MNS1: variants seen among roughly 807,000 people sequenced by gnomAD.
The protein encoded by MNS1 is meiosis-specific nuclear structural protein 1.
A neutral mutation model predicts 72.0 loss-of-function variants in MNS1; 63 were observed. That is an observed-to-expected ratio of 0.87 (90% CI 0.71 to 1.08). The LOEUF is 1.08. Among genes scored for constraint, MNS1 ranks in the 50% least tolerant of loss-of-function variants. MNS1 has a pLI of 0.00. For missense variants in MNS1, 604 were observed against 562.4 expected, an observed-to-expected ratio of 1.07 and a Z score of -0.75; for synonymous variants, 188 against 172.1, an observed-to-expected ratio of 1.09 and a Z score of -0.72.
chr15:56,461,564 G>A (rs1323497845), intron 2 of MNS1, among the ~76,000 whole-genome samples: 1 of 150,998 alleles, frequency 6.6e-6, no homozygotes, highest in Admixed American at 6.6e-5. Context: ...GGGAGGCTGA[G>A]GGAGAAGAAT....
Position 56,464,856 on chromosome 15 carries a change from C to T in MNS1, c.3+114G>A, listed in dbSNP as rs771630280. On this transcript the variant is annotated intron_variant, in intron 1 of 9. Transcript: ENST00000260453. ...AAGCCTCCGAAAGCAAATACAAGTT[C>T]CCCAATTAATGACCAGATTAAGCAC... 2.6e-4 allele frequency: 375 copies of T among 1,437,956 alleles called. 1 individual carries two copies. The highest frequency in any genetic ancestry group is 3.4e-4 in the Non-Finnish European group (353 of 1,043,088). The allele number at this position is 1,437,956 out of a possible 1,614,324, so 89.1% of individuals were successfully genotyped here.
intron 7 of MNS1, among the ~76,000 whole-genome samples, chr15:56,441,674 A>G (rs1195106254): frequency 1.3e-5 from 2 of 152,210 alleles, no homozygotes; most frequent in Non-Finnish European, 2.9e-5. Context: ...ACAAAGGTCT[A>G]ATATCCATAA....
chr15:56,452,731 G>A (rs747390047), intron 3 of MNS1, among the ~76,000 whole-genome samples: 1 of 151,944 alleles, frequency 6.6e-6, no homozygotes, highest in Non-Finnish European at 1.5e-5. Context: ...TGTTAGCCAG[G>A]ATGGTCTCGA....
chr15:56,462,803 G>A lies in MNS1; in HGVS notation c.225+1223C>T, dbSNP rs76681650. Among the ~76,000 whole-genome samples the A allele has an allele frequency of 3.3e-5, 5 of 152,266 alleles. No homozygotes were observed. In the East Asian group the frequency reaches 9.7e-4, roughly 29 times the overall value. On this transcript the variant is annotated intron_variant, in intron 2 of 9. Transcript: ENST00000260453. ...GAATGGGTGAGATAATAGTATTATG[G>A]TACTCCATGTAAGAAAACATCCATA... is the stretch of plus-strand genomic sequence containing the variant.
intron 3 of MNS1, among the ~76,000 whole-genome samples, chr15:56,453,003 A>G (rs1274820392): frequency 2.0e-5 from 3 of 152,150 alleles, no homozygotes; most frequent in African/African-American, 7.2e-5. Flanking sequence ...GGAATAATCA[A>G]TTCCTATTAT....
intron 7 of MNS1, 88 bp from the exon 8 acceptor site, chr15:56,434,483 G>A: frequency 7.5e-7 from 1 of 1,340,068 alleles, no homozygotes; most frequent in African/African-American, 1.5e-5. Context: ...GTTAAATTTA[G>A]TATTACAATA....
chr15:56,443,765 TTC>T lies in MNS1; in HGVS notation c.774_775del (p.Lys259ThrfsTer2), dbSNP rs1423048983. On this transcript the variant is annotated frameshift_variant, in exon 6 of 10. Coordinates refer to ENST00000260453, the MANE Select transcript of MNS1 (RefSeq NM_018365.4). LOFTEE classifies it high-confidence loss of function. ...GTTTTCTTCTTCCATCTCCTCACGT[TTC>T]TTTTTTCTCCAGAGAGCCTGCTCTT... 22 of 1,613,164 alleles carry T rather than the reference TTC, an allele frequency of 1.4e-5. No individual in the cohort carries two copies. Among genetic ancestry groups the T allele is most frequent in the Non-Finnish European group, 1.9e-5 (22 of 1,179,704 alleles).
intron 3 of MNS1, 41 bp downstream of exon 3, chr15:56,456,353 G>A (rs1487834457): frequency 1.3e-6 from 2 of 1,569,066 alleles, no homozygotes; most frequent in African/African-American, 2.8e-5. Flanking sequence ...AGAGTTTAAA[G>A]ATAAAGACTA....
At chr15:56,444,080 A>C (rs10518850) in intron 5 of MNS1, among the ~76,000 whole-genome samples, 2,490 of 152,142 alleles carry the variant, frequency 0.016, 63 homozygotes, top group African/African-American at 0.056. Flanking sequence ...AGTTTTATGC[A>C]TCTTATTTCA....
rs934239872 is a variant in MNS1 at position 56,455,268 on chromosome 15, A to C, written c.353+1126T>G. Among the ~76,000 whole-genome samples, 6 of 151,424 alleles carry C rather than the reference A, an allele frequency of 4.0e-5. No homozygotes were observed. The East Asian group carries it at 7.7e-4, about 19-fold the overall frequency. On this transcript the variant is annotated intron_variant, in intron 3 of 9. Coordinates refer to ENST00000260453, the MANE Select transcript of MNS1 (RefSeq NM_018365.4). ...AGGTGAAAAAAAAAAAAAAAAAAAA[A>C]AAACCATGAGTAACAGCTAATGATG...
chr15:56,432,066 T>C (rs1464993460), intron 8 of MNS1, among the ~76,000 whole-genome samples: 1 of 152,186 alleles, frequency 6.6e-6, no homozygotes, highest in African/African-American at 2.4e-5. Context: ...AATTTGAGAC[T>C]GTACTTGCAT....
chr15:56,456,607 A>G (rs1166083369), intron 2 of MNS1, 86 bp from the exon 3 acceptor site: 6 of 1,398,434 alleles, frequency 4.3e-6, no homozygotes, highest in Non-Finnish European at 5.9e-6. Context: ...ACAGAAAACT[A>G]AATGCCTTAA....
chr15:56,433,535 C>T (rs1225193874), intron 8 of MNS1, among the ~76,000 whole-genome samples: 10 of 152,126 alleles, frequency 6.6e-5, no homozygotes, highest in African/African-American at 2.4e-4. Context: ...ATTCCGTATC[C>T]TTAACATCTC....
At chr15:56,444,760 T>C (rs2050879051) in intron 4 of MNS1, 87 bp from the exon 5 acceptor site, 5 of 1,132,318 alleles carry the variant, frequency 4.4e-6, no homozygotes, top group Non-Finnish European at 6.3e-6. Flanking sequence ...TTGAATATTA[T>C]AAAGTCTTTT....
At chr15:56,435,449 T>C (rs1288736056) in intron 7 of MNS1, among the ~76,000 whole-genome samples, 2 of 151,260 alleles carry the variant, frequency 1.3e-5, no homozygotes, top group Non-Finnish European at 3.0e-5. Flanking sequence ...AAAAAATGAA[T>C]GAATAAACAA....
intron 2 of MNS1, among the ~76,000 whole-genome samples, chr15:56,461,797 T>A (rs191554632): frequency 2.0e-5 from 3 of 151,576 alleles, no homozygotes; most frequent in Admixed American, 2.0e-4. Flanking sequence ...CATAAAGGTA[T>A]TTTTAAAAAG....
At chr15:56,437,616 G>A (rs2050749643) in intron 7 of MNS1, among the ~76,000 whole-genome samples, 1 of 152,090 alleles carries the variant, frequency 6.6e-6, no homozygotes, top group Admixed American at 6.6e-5. Context: ...TTCTGGCCAG[G>A]GCAGTCAGGC....
At chr15:56,458,260 A>G (rs182665670) in intron 2 of MNS1, among the ~76,000 whole-genome samples, 5 of 152,286 alleles carry the variant, frequency 3.3e-5, no homozygotes, top group East Asian at 3.9e-4. Flanking sequence ...TTGTGTATCT[A>G]TCACCACTAT....
Position 56,443,484 on chromosome 15 carries a change from C to T in MNS1, c.957G>A (p.Val319=), listed in dbSNP as rs768466512. 3.1e-6 allele frequency: 5 copies of T among 1,600,064 alleles called. No individual in the cohort carries two copies. In the Admixed American group the frequency reaches 8.7e-5, roughly 28 times the overall value. Residue 319 remains valine (V), a synonymous_variant, in exon 7 of 10, where the codon GTG becomes GTA. Coordinates refer to ENST00000260453, the MANE Select transcript of MNS1 (RefSeq NM_018365.4). ...MLRQREDLEQ[V]RQELYQEEQA... is the part of the protein sequence containing the mutation. ...GTTCTTCCTGGTATAATTCTTGTCG[C>T]ACTTGTTCCAAATCTTCACGTTGCC...
Sources: gnomAD v4.1 joint callset for allele counts (sites outside exome capture counted in the v4.1 genomes callset) on GRCh38, gnomAD v4.1.1 for gene constraint, MANE v1.5 for transcripts, NCBI Gene and HGNC (gene_info 2026-07-23, HGNC 2026-07-21) for gene names.